GRM7: variants seen among roughly 807,000 people sequenced by gnomAD.
The protein encoded by GRM7 is metabotropic glutamate receptor 7.
Under a neutral mutation model 84.5 loss-of-function variants are expected in GRM7, and 35 were observed. That is an observed-to-expected ratio of 0.41 (90% CI 0.32 to 0.55). The LOEUF (loss-of-function observed/expected upper bound fraction) is 0.55, where lower values mean the gene tolerates loss of function less well. Ranked by LOEUF, GRM7 falls within the 20% of genes least tolerant of loss-of-function variation. GRM7 has a pLI of 0.19. For synonymous variants in GRM7, 487 were observed against 455.1 expected, an observed-to-expected ratio of 1.07 and a Z score of -0.89; for missense variants, 1,003 against 1,194.6, an observed-to-expected ratio of 0.84 and a Z score of 2.36.
intron 2 of GRM7, among the ~76,000 whole-genome samples, chr3:7,183,513 G>C (rs1249045565): frequency 2.0e-5 from 3 of 152,152 alleles, no homozygotes; most frequent in Non-Finnish European, 4.4e-5. Flanking sequence ...TGTAGTCCCA[G>C]CTACTCGGGA....
At chr3:7,505,455 G>A (rs1119406) in intron 7 of GRM7, among the ~76,000 whole-genome samples, 5 of 152,056 alleles carry the variant, frequency 3.3e-5, no homozygotes, top group Non-Finnish European at 7.4e-5. Flanking sequence ...CTCAGCTTTG[G>A]CTGACTGTGG....
chr3:7,646,282 C>A (rs1185218426), intron 8 of GRM7, among the ~76,000 whole-genome samples: 1 of 152,114 alleles, frequency 6.6e-6, no homozygotes, highest in Non-Finnish European at 1.5e-5. Context: ...GCCTCTGCCT[C>A]CCAGGTTCAA....
intron 1 of GRM7, among the ~76,000 whole-genome samples, chr3:7,106,454 TG>T (rs1287659752): frequency 6.6e-6 from 1 of 151,486 alleles, no homozygotes; most frequent in Non-Finnish European, 1.5e-5. Context: ...ATTGCTATCT[TG>T]GGCAGCCAAA....
intron 1 of GRM7, among the ~76,000 whole-genome samples, chr3:7,118,222 CA>C (rs546775065): frequency 9.7e-4 from 147 of 151,736 alleles, no homozygotes; most frequent in Non-Finnish European, 1.7e-3. Flanking sequence ...CCTGTCTCTA[CA>C]AAAAATAAAA....
intron 1 of GRM7, among the ~76,000 whole-genome samples, chr3:6,952,327 G>A (rs111788546): frequency 5.7e-4 from 86 of 151,904 alleles, no homozygotes; most frequent in South Asian, 1.3e-3. Flanking sequence ...GCCTGTGTGC[G>A]CCTATTACCT....
At chr3:7,654,304 C>T (rs7613690) in intron 8 of GRM7, among the ~76,000 whole-genome samples, 3,396 of 152,262 alleles carry the variant, frequency 0.022, 60 homozygotes, top group Middle Eastern at 0.065. Context: ...CTCAACATAA[C>T]AATGACAAAG....
At chr3:6,951,326 T>C (rs1692752899) in intron 1 of GRM7, among the ~76,000 whole-genome samples, 1 of 152,156 alleles carries the variant, frequency 6.6e-6, no homozygotes, top group Admixed American at 6.6e-5. Context: ...CAGCTTACTT[T>C]GGGTATAGTT....
At chr3:7,302,627 T>G (rs926260085) in intron 3 of GRM7, among the ~76,000 whole-genome samples, 1 of 152,158 alleles carries the variant, frequency 6.6e-6, no homozygotes, top group South Asian at 2.1e-4. Flanking sequence ...ATACAGGCAA[T>G]TTTTGGTCAG....
intron 4 of GRM7, among the ~76,000 whole-genome samples, chr3:7,361,116 G>A (rs534596021): frequency 6.6e-6 from 1 of 152,180 alleles, no homozygotes; most frequent in South Asian, 2.1e-4. Flanking sequence ...AGTTATTTAT[G>A]TTTGTGTTTC....
chr3:7,342,118 C>T (rs528393805), intron 4 of GRM7, among the ~76,000 whole-genome samples: 1 of 152,276 alleles, frequency 6.6e-6, no homozygotes, highest in East Asian at 1.9e-4. Flanking sequence ...CAATTCCCTG[C>T]TAGGTCTGTG....
At chr3:7,516,224 C>T (rs1175571954) in intron 7 of GRM7, among the ~76,000 whole-genome samples, 23 of 146,728 alleles carry the variant, frequency 1.6e-4, no homozygotes, top group African/African-American at 5.5e-4. Context: ...GTAATCCCAG[C>T]ACTTCGGGAA....
At chr3:7,261,021 G>T (rs950961622) in intron 2 of GRM7, among the ~76,000 whole-genome samples, 20 of 152,094 alleles carry the variant, frequency 1.3e-4, no homozygotes, top group African/African-American at 4.8e-4. Context: ...TGCTAGGGGG[G>T]TGCCAGTCTT....
intron 1 of GRM7, among the ~76,000 whole-genome samples, chr3:7,116,510 A>C (rs889031577): frequency 4.6e-5 from 7 of 152,064 alleles, no homozygotes; most frequent in African/African-American, 1.7e-4. Context: ...ACAGTCACAT[A>C]CTGTCTGTCT....
At chr3:7,394,893 C>T (rs1246582372) in intron 4 of GRM7, among the ~76,000 whole-genome samples, 1 of 151,966 alleles carries the variant, frequency 6.6e-6, no homozygotes, top group Non-Finnish European at 1.5e-5. Context: ...CAAAAATTAG[C>T]CAGGCGTGGT....
At chr3:7,739,527 A>T (rs1044597538) in intron 9 of GRM7, among the ~76,000 whole-genome samples, 28 of 152,200 alleles carry the variant, frequency 1.8e-4, no homozygotes, top group African/African-American at 6.3e-4. Flanking sequence ...TTGCAACAGT[A>T]TGACTTGGTA....
chr3:6,867,246 A>G (rs1458099528), intron 1 of GRM7, among the ~76,000 whole-genome samples: 2 of 152,230 alleles, frequency 1.3e-5, no homozygotes, highest in Non-Finnish European at 2.9e-5. Context: ...ACTAACTGGC[A>G]TTCATTCAGT....
intron 1 of GRM7, among the ~76,000 whole-genome samples, chr3:7,097,818 A>T (rs1461848095): frequency 3.3e-5 from 5 of 152,072 alleles, no homozygotes; most frequent in Admixed American, 3.3e-4. Context: ...ATTCGAAGCC[A>T]TGCTTTTCTA....
intron 7 of GRM7, among the ~76,000 whole-genome samples, chr3:7,524,690 T>C (rs1348637379): frequency 1.2e-5 from 1 of 86,916 alleles, no homozygotes; most frequent in East Asian, 2.7e-4. Flanking sequence ...GTTCAACCAT[T>C]GTGGAAGTCA....
intron 2 of GRM7, among the ~76,000 whole-genome samples, chr3:7,238,136 G>T (rs1486542866): frequency 6.6e-6 from 1 of 152,122 alleles, no homozygotes; most frequent in Non-Finnish European, 1.5e-5. Context: ...TTCAAGTTAT[G>T]TGACTACCAT....
Sources: gnomAD v4.1 joint callset for allele counts (sites outside exome capture counted in the v4.1 genomes callset) on GRCh38, gnomAD v4.1.1 for gene constraint, MANE v1.5 for transcripts, NCBI Gene and HGNC (gene_info 2026-07-23, HGNC 2026-07-21) for gene names.